The following ADAMTS2 variants were observed in gnomAD, a reference collection of about 807,000 sequenced individuals.
ADAMTS2 encodes ADAM metallopeptidase with thrombospondin type 1 motif 2.
A neutral mutation model predicts 123.0 loss-of-function variants in ADAMTS2; 50 were observed. The observed-to-expected ratio is 0.41, with a 90% CI of 0.32 to 0.51. ADAMTS2 has a LOEUF of 0.51. Ranked by LOEUF, ADAMTS2 falls within the 20% of genes least tolerant of loss-of-function variation. The probability of loss-of-function intolerance (pLI) is 0.35; values close to 1 mark genes in which losing one functional copy is unlikely to be tolerated. For missense variants in ADAMTS2, 1,494 were observed against 1,705.2 expected, an observed-to-expected ratio of 0.88 and a Z score of 2.18; for synonymous variants, 678 against 695.4, an observed-to-expected ratio of 0.98 and a Z score of 0.39.
Position 179,181,518 on chromosome 5 carries a change from C to T in ADAMTS2, c.892-363G>A, listed in dbSNP as rs1038341375. Among the ~76,000 whole-genome samples the T allele has an allele frequency of 6.6e-6, 1 of 152,140 alleles. No homozygotes were observed. The highest frequency in any genetic ancestry group is 2.1e-4 in the South Asian group (1 of 4,814). ...CAACAGTGAACGTGGGTGATGGACCCCCGCGGCACAGGCAGGGCTGGGACC... is the reference window on the plus strand; with the variant it reads ...CAACAGTGAACGTGGGTGATGGACCTCCGCGGCACAGGCAGGGCTGGGACC... On this transcript the variant is annotated intron_variant, in intron 4 of 21. Transcript: ENST00000251582. This position sits in a 1 kb window ranked among gnomAD's most constrained non-coding sequence, Gnocchi z 4.1.
At chr5:179,289,264 C>T (rs1756119036) in intron 2 of ADAMTS2, among the ~76,000 whole-genome samples, 1 of 152,056 alleles carries the variant, frequency 6.6e-6, no homozygotes, top group Non-Finnish European at 1.5e-5. Flanking sequence ...AATTTGAACA[C>T]AATAATAAAT....
intron 3 of ADAMTS2, among the ~76,000 whole-genome samples, chr5:179,221,792 G>A (rs1310683041): frequency 6.6e-6 from 1 of 152,088 alleles, no homozygotes; most frequent in African/African-American, 2.4e-5. Context: ...CAGACCCTCA[G>A]CCCTCTCTCC....
chr5:179,180,983 A>G lies in ADAMTS2; in HGVS notation c.975+89T>C. 9.6e-7 allele frequency: 1 copy of G among 1,040,050 alleles called. No individual in the cohort carries two copies. Among genetic ancestry groups the G allele is most frequent in the Admixed American group, 1.8e-5 (1 of 56,862 alleles). 64.4% of individuals were successfully genotyped at this position (1,040,050 alleles called of 1,614,324 possible). ...GAGGCAGGGTGGTTCTGGCAAACGC[A>G]CACACTCTCCAAGGAGGCCCATGCC... On this transcript the variant is annotated intron_variant, in intron 5 of 21. Coordinates refer to ENST00000251582, the MANE Select transcript of ADAMTS2 (RefSeq NM_014244.5). This position sits in a 1 kb window ranked among gnomAD's most constrained non-coding sequence, Gnocchi z 4.6.
chr5:179,180,273 A>G lies in ADAMTS2; in HGVS notation c.975+799T>C, dbSNP rs1284759650. Among the ~76,000 whole-genome samples the G allele has an allele frequency of 6.6e-6, 1 of 152,106 alleles. No homozygotes were observed. Among genetic ancestry groups the G allele is most frequent in the Non-Finnish European group, 1.5e-5 (1 of 68,024 alleles). On this transcript the variant is annotated intron_variant, in intron 5 of 21. Transcript: ENST00000251582. This position sits in a 1 kb window ranked among gnomAD's most constrained non-coding sequence, Gnocchi z 4.6. ...CACTGTCCCTGGCGGCTACACACCC[A>G]TGCACACCGCCAGGAAAGGACGTCC... is the stretch of plus-strand genomic sequence containing the variant.
intron 3 of ADAMTS2, among the ~76,000 whole-genome samples, chr5:179,231,745 C>A (rs1765415605): frequency 1.3e-5 from 2 of 151,950 alleles, no homozygotes; most frequent in Non-Finnish European, 1.5e-5. Flanking sequence ...TGAGAGTCTT[C>A]TCGGTGCAGT....
At chr5:179,274,924 A>G (rs1032851866) in intron 2 of ADAMTS2, among the ~76,000 whole-genome samples, 2 of 152,128 alleles carry the variant, frequency 1.3e-5, no homozygotes, top group African/African-American at 2.4e-5. Flanking sequence ...AACCCACCCA[A>G]TCCCTTTGTG....
At chr5:179,342,726 C>G (rs1581297978) in intron 2 of ADAMTS2, among the ~76,000 whole-genome samples, 1 of 152,240 alleles carries the variant, frequency 6.6e-6, no homozygotes, top group African/African-American at 2.4e-5. Flanking sequence ...GCCAGCCTGA[C>G]CACCACACAC....
Position 179,130,147 on chromosome 5 carries a change from A to ACC in ADAMTS2, c.2291-51_2291-50dup, listed in dbSNP as rs1188880779. On this transcript the variant is annotated intron_variant, in intron 15 of 21. Coordinates refer to ENST00000251582, the MANE Select transcript of ADAMTS2 (RefSeq NM_014244.5). This position sits in a 1 kb window ranked among gnomAD's most constrained non-coding sequence, Gnocchi z 4.3. ...CCCGTTGTGGTCACCCAAGAGCAGG[A>ACC]CCCAGGCCCACTGGTTTGGGCTGGT... 6.2e-7 allele frequency: 1 copy of ACC among 1,611,448 alleles called. No homozygotes were observed. The highest frequency in any genetic ancestry group is 1.3e-5 in the African/African-American group (1 of 74,906).
rs1442853839 is a variant in ADAMTS2, at chr5:179,111,993, G to A, written c.*1874C>T. 6.6e-6 allele frequency: 1 copy of A among 152,342 alleles called. No homozygotes were observed. The highest frequency in any genetic ancestry group is 2.4e-5 in the African/African-American group (1 of 41,472). 9.4% of individuals were successfully genotyped at this position (152,342 alleles called of 1,614,324 possible). ...GCAGCACGTGTGGGATGCGGTGGTGGAGGGCGGGAGGCTAGCCATCACCCA... is the reference window on the plus strand; with the variant it reads ...GCAGCACGTGTGGGATGCGGTGGTGAAGGGCGGGAGGCTAGCCATCACCCA... On this transcript the variant is annotated 3_prime_UTR_variant, in exon 22 of 22. Coordinates refer to ENST00000251582, the MANE Select transcript of ADAMTS2 (RefSeq NM_014244.5).
rs547128868 is a variant in ADAMTS2 at position 179,127,944 on chromosome 5, T to C, written c.2617+15A>G. On this transcript the variant is annotated intron_variant, in intron 17 of 21. Coordinates refer to ENST00000251582, the MANE Select transcript of ADAMTS2 (RefSeq NM_014244.5). ...CCTCATGTCACCCAGGTCCCCAGCT[T>C]CGAGACCCCCTCACCTCCGCCACAG... The C allele has an allele frequency of 6.2e-7, 1 of 1,613,164 alleles. No individual in the cohort carries two copies. The highest frequency in any genetic ancestry group is 1.7e-5 in the Admixed American group (1 of 60,016).
At chr5:179,224,089 C>G (rs935421801) in intron 3 of ADAMTS2, among the ~76,000 whole-genome samples, 5 of 152,198 alleles carry the variant, frequency 3.3e-5, no homozygotes, top group African/African-American at 1.2e-4. Context: ...GTCTGTATCT[C>G]CTTGGTGGGA....
In ADAMTS2 at chr5:179,260,660, GCTTACTAT is replaced by G. The variant is rs1766194065; in HGVS notation, c.688+12243_688+12250del. Among the ~76,000 whole-genome samples the G allele has an allele frequency of 6.6e-6, 1 of 152,182 alleles. No individual in the cohort carries two copies. Among genetic ancestry groups the G allele is most frequent in the Non-Finnish European group, 1.5e-5 (1 of 68,040 alleles). Reference sequence around the variant, plus strand: ...AGGCCTGGCTCCCACTGTTTCTACAGCTTACTATCTGTGCGACCGTCGGCACCTCAGTT... The same window carrying G: ...AGGCCTGGCTCCCACTGTTTCTACAGCTGTGCGACCGTCGGCACCTCAGTT... On this transcript the variant is annotated intron_variant, in intron 3 of 21. Transcript: ENST00000251582. The surrounding 1 kb of genome is among the most constrained non-coding windows in gnomAD (Gnocchi z 4.2).
intron 3 of ADAMTS2, among the ~76,000 whole-genome samples, chr5:179,231,014 A>T (rs1343731349): frequency 1.3e-5 from 2 of 152,062 alleles, no homozygotes; most frequent in Non-Finnish European, 2.9e-5. Context: ...CAGTCTCAAA[A>T]AAAAAAAGCC....
intron 21 of ADAMTS2, chr5:179,121,359 C>T (rs953070800): frequency 1.8e-5 from 4 of 222,584 alleles, no homozygotes; most frequent in Non-Finnish European, 3.5e-5. Context: ...GGGACGGGCT[C>T]GGCCCGGAGG....
At chr5:179,305,135 A>G (rs1052839237) in intron 2 of ADAMTS2, among the ~76,000 whole-genome samples, 8 of 152,166 alleles carry the variant, frequency 5.3e-5, no homozygotes, top group Non-Finnish European at 1.2e-4. Context: ...AGAAATAAAG[A>G]CATTCTCAGA....
intron 5 of ADAMTS2, among the ~76,000 whole-genome samples, chr5:179,172,005 A>G (rs1323017571): frequency 2.6e-5 from 4 of 152,120 alleles, no homozygotes; most frequent in African/African-American, 9.7e-5. Flanking sequence ...GGCCGGGGGT[A>G]AGCTGGTTCC....
intron 11 of ADAMTS2, among the ~76,000 whole-genome samples, chr5:179,138,251 T>G (rs1763100065): frequency 6.6e-6 from 1 of 152,204 alleles, no homozygotes; most frequent in African/African-American, 2.4e-5. Context: ...CCAGCACTGA[T>G]GCCTGGGCTT....
intron 3 of ADAMTS2, among the ~76,000 whole-genome samples, chr5:179,244,463 C>A (rs563071648): frequency 6.6e-6 from 1 of 152,272 alleles, no homozygotes; most frequent in Non-Finnish European, 1.5e-5. Flanking sequence ...TAAGTAAAAA[C>A]AGAGAATTAT....
rs1170195806 is a variant in ADAMTS2, at chr5:179,314,376, A to C, written c.534+29391T>G. Among the ~76,000 whole-genome samples, 2 of 152,134 alleles carry C rather than the reference A, an allele frequency of 1.3e-5. No homozygotes were observed. The highest frequency in any genetic ancestry group is 2.9e-5 in the Non-Finnish European group (2 of 68,040). On this transcript the variant is annotated intron_variant, in intron 2 of 21. Transcript: ENST00000251582. The surrounding 1 kb of genome is among the most constrained non-coding windows in gnomAD (Gnocchi z 4.5). The stretch of plus-strand genomic sequence containing the variant: ...CGCCAGCTCTGAGCTAAGTGAGCGC[A>C]GAGGAGAGTGCAGGGAGCGGCAAGG...
Sources: gnomAD v4.1 joint callset for allele counts (sites outside exome capture counted in the v4.1 genomes callset) on GRCh38, gnomAD v4.1.1 for gene constraint, Gnocchi (gnomAD v3.1) non-coding constraint, MANE v1.5 for transcripts, NCBI Gene and HGNC (gene_info 2026-07-23, HGNC 2026-07-21) for gene names.